TRPC6: variants seen among roughly 807,000 people sequenced by gnomAD.
TRPC6 encodes transient receptor potential cation channel subfamily C member 6, also known as short transient receptor potential channel 6.
In TRPC6, 55 loss-of-function variants were observed where a neutral mutation model predicts 90.7. The ratio of observed to expected loss-of-function variants is 0.61; its 90% confidence interval spans 0.49 to 0.76. TRPC6 has a LOEUF of 0.76. Ranked by LOEUF, TRPC6 falls within the 30% of genes least tolerant of loss-of-function variation. The pLI, the probability that TRPC6 is intolerant of heterozygous loss-of-function variation, is 0.00. For synonymous variants in TRPC6, 393 were observed against 393.0 expected, an observed-to-expected ratio of 1.00 and a Z score of 0.00; for missense variants, 989 against 1,122.7, an observed-to-expected ratio of 0.88 and a Z score of 1.70.
In TRPC6 at chr11:101,483,178, A is replaced by G. The variant is rs201358190; in HGVS notation, c.1294-13T>C. ...TTATCTTCCCCATCTGCCACAACAC[A>G]CACCAAAATAAAATCTTAACTTTGT... On this transcript the variant is annotated splice_polypyrimidine_tract_variant and intron_variant, in intron 4 of 12. Transcript: ENST00000344327. 13 of 1,613,792 alleles carry G rather than the reference A, an allele frequency of 8.1e-6. No individual in the cohort carries two copies. The highest frequency in any genetic ancestry group is 1.6e-4 in the Middle Eastern group (1 of 6,062).
chr11:101,471,885 T>A (rs1271413767), intron 8 of TRPC6, among the ~76,000 whole-genome samples: 1 of 152,198 alleles, frequency 6.6e-6, no homozygotes, highest in Non-Finnish European at 1.5e-5. Flanking sequence ...TTTCTAAAGT[T>A]TTTTATTAAA....
intron 2 of TRPC6, among the ~76,000 whole-genome samples, chr11:101,492,503 C>T (rs565661903): frequency 8.6e-5 from 13 of 152,024 alleles, no homozygotes; most frequent in Non-Finnish European, 1.8e-4. Context: ...GGGAGGATCA[C>T]CCGGGCAGGT....
At chr11:101,564,105 G>A (rs1433073408) in intron 1 of TRPC6, among the ~76,000 whole-genome samples, 2 of 151,346 alleles carry the variant, frequency 1.3e-5, no homozygotes, top group African/African-American at 4.8e-5. Flanking sequence ...TTAATAATGA[G>A]TTTTATTATC....
At chr11:101,507,006 A>AACACACAC (rs10590147) in intron 1 of TRPC6, among the ~76,000 whole-genome samples, 176 of 131,164 alleles carry the variant, frequency 1.3e-3, no homozygotes, top group Middle Eastern at 3.9e-3. Flanking sequence ...CTCTCTCTCT[A>AACACACAC]ACACACACAC....
intron 2 of TRPC6, among the ~76,000 whole-genome samples, chr11:101,495,633 T>C (rs10895120): frequency 0.29 from 41,649 of 144,426 alleles, 6,293 homozygotes; most frequent in African/African-American, 0.33. Context: ...TTATTATTAT[T>C]ATCATTGTTT....
chr11:101,471,891 T>C (rs1763677845), intron 8 of TRPC6, among the ~76,000 whole-genome samples: 1 of 152,214 alleles, frequency 6.6e-6, no homozygotes, highest in African/African-American at 2.4e-5. Flanking sequence ...AAGTTTTTTA[T>C]TAAATTAGTA....
At chr11:101,482,664 G>A (rs1006276830) in intron 5 of TRPC6, among the ~76,000 whole-genome samples, 2 of 152,152 alleles carry the variant, frequency 1.3e-5, no homozygotes, top group Non-Finnish European at 2.9e-5. Context: ...AATATGAATA[G>A]TATAATAGCT....
chr11:101,577,557 G>A (rs879688640), intron 1 of TRPC6, among the ~76,000 whole-genome samples: 17 of 152,166 alleles, frequency 1.1e-4, no homozygotes, highest in Non-Finnish European at 2.1e-4. Flanking sequence ...CAAAGAAAAA[G>A]GTTGTGGCGG....
At chr11:101,519,027 G>T (rs1382406344) in intron 1 of TRPC6, among the ~76,000 whole-genome samples, 1 of 152,166 alleles carries the variant, frequency 6.6e-6, no homozygotes, top group Non-Finnish European at 1.5e-5. Context: ...GTAGAAGAAT[G>T]GTTACCAGAG....
rs558687240 is a variant in TRPC6 at position 101,472,206 on chromosome 11, A to G, written c.2136T>C (p.Asn712=). The change falls in exon 8 of 13, where the codon AAT becomes AAC. Residue 712 remains asparagine (N), a synonymous_variant. Coordinates refer to ENST00000344327, the MANE Select transcript of TRPC6 (RefSeq NM_004621.6). The stretch of plus-strand genomic sequence containing the variant: ...TTAGCAAAACAATGACCATCGTAAC[A>G]TTATAGACTCCATAAAGAACGTAAC... ...NIGYVLYGVY[N]VTMVIVLLNM... 7 of 1,613,132 alleles carry G rather than the reference A, an allele frequency of 4.3e-6. No individual in the cohort carries two copies. The highest frequency in any genetic ancestry group is 5.9e-6 in the Non-Finnish European group (7 of 1,179,510).
chr11:101,517,722 T>A (rs561032252), intron 1 of TRPC6, among the ~76,000 whole-genome samples: 15 of 152,322 alleles, frequency 9.8e-5, no homozygotes, highest in Non-Finnish European at 2.2e-4. Flanking sequence ...ATAAAAATTA[T>A]TAATTATATA....
chr11:101,519,624 A>T (rs993686090), intron 1 of TRPC6, among the ~76,000 whole-genome samples: 1 of 151,998 alleles, frequency 6.6e-6, no homozygotes, highest in Non-Finnish European at 1.5e-5. Context: ...AAAAAAAATC[A>T]TGGTGGTGTC....
Position 101,491,753 on chromosome 11 carries a change from GCAAAA to G in TRPC6, c.946-20_946-16del. ...TTGTAGTCATTCTAGGAAAAACAAA[GCAAAA>G]CAAAAGCAATAATGGAGAATACCAC... On this transcript the variant is annotated splice_polypyrimidine_tract_variant and intron_variant, in intron 2 of 12. Coordinates refer to ENST00000344327, the MANE Select transcript of TRPC6 (RefSeq NM_004621.6). The G allele has an allele frequency of 6.3e-7, 1 of 1,578,006 alleles. No homozygotes were observed.
At chr11:101,524,025 T>C (rs1860719437) in intron 1 of TRPC6, among the ~76,000 whole-genome samples, 1 of 152,224 alleles carries the variant, frequency 6.6e-6, no homozygotes, top group Non-Finnish European at 1.5e-5. Flanking sequence ...ATAGCCATTG[T>C]CTTTGTCAAA....
At chr11:101,552,310 G>A (rs921948153) in intron 1 of TRPC6, among the ~76,000 whole-genome samples, 1 of 152,214 alleles carries the variant, frequency 6.6e-6, no homozygotes, top group Admixed American at 6.6e-5. Context: ...CGTAACCCAT[G>A]TTTGAAACAC....
chr11:101,506,357 T>C (rs1243747442), intron 1 of TRPC6, among the ~76,000 whole-genome samples: 1 of 152,108 alleles, frequency 6.6e-6, no homozygotes, highest in African/African-American at 2.4e-5. Context: ...TGGAGAATCT[T>C]AGTTGCTTTC....
chr11:101,453,600 C>T, intron 12 of TRPC6, 50 bp downstream of exon 12: 1 of 1,563,054 alleles, frequency 6.4e-7, no homozygotes, highest in Non-Finnish European at 8.8e-7. Context: ...GCGCTAGGCC[C>T]CCGTCCTGAC....
chr11:101,562,805 C>G (rs1313977966), intron 1 of TRPC6, among the ~76,000 whole-genome samples: 1 of 152,186 alleles, frequency 6.6e-6, no homozygotes, highest in Non-Finnish European at 1.5e-5. Flanking sequence ...AACCTCAGCT[C>G]TCCGAATTAC....
chr11:101,562,063 T>C (rs1370302155), intron 1 of TRPC6, among the ~76,000 whole-genome samples: 1 of 152,068 alleles, frequency 6.6e-6, no homozygotes, highest in African/African-American at 2.4e-5. Context: ...GTGAGTGAAG[T>C]GAACCTGTGG....
Sources: gnomAD v4.1 joint callset for allele counts (sites outside exome capture counted in the v4.1 genomes callset) on GRCh38, gnomAD v4.1.1 for gene constraint, MANE v1.5 for transcripts, NCBI Gene and HGNC (gene_info 2026-07-23, HGNC 2026-07-21) for gene names.